Variants in BMERB1 observed in about 807,000 individuals in gnomAD.
The protein encoded by BMERB1 is bMERB domain containing 1.
BMERB1 carries 12 observed loss-of-function variants against 23.6 expected under a neutral mutation model. The ratio of observed to expected loss-of-function variants is 0.51; its 90% CI spans 0.33 to 0.82. The LOEUF (loss-of-function observed/expected upper bound fraction) is 0.82. Ranked by LOEUF, BMERB1 falls within the 40% of genes least tolerant of loss-of-function variation. The probability of loss-of-function intolerance (pLI) is 0.03; values close to 1 mark genes in which losing one functional copy is unlikely to be tolerated. For synonymous variants in BMERB1, 122 were observed against 96.6 expected (o/e 1.26, Z -1.54); for missense variants, 247 against 255.4 (o/e 0.97, Z 0.22).
rs535524809 is a variant in BMERB1, at chr16:15,552,881, A to G, written c.231-15102A>G. On this transcript the variant is annotated intron_variant, in intron 2 of 5. Coordinates refer to ENST00000300006, the MANE Select transcript of BMERB1 (RefSeq NM_033201.3). ...AGGTGAGAGCTCTTCTAGCTGCAGA[A>G]ATTTCTTTAGAGCCAGGCACAGTGG... 7.9e-5 allele frequency among the ~76,000 whole-genome samples: 12 copies of G among 152,202 alleles called. No individual in the cohort carries two copies. The East Asian group carries it at 2.3e-3, about 30-fold the overall frequency.
At chr16:15,463,412 A>T (rs946406388) in intron 1 of BMERB1, among the ~76,000 whole-genome samples, 2 of 152,118 alleles carry the variant, frequency 1.3e-5, no homozygotes, top group African/African-American at 4.8e-5. Flanking sequence ...GCTTGAAGGC[A>T]TCCTTTGAAC....
chr16:15,456,702 T>A (rs1224645301), intron 1 of BMERB1, among the ~76,000 whole-genome samples: 1 of 152,200 alleles, frequency 6.6e-6, no homozygotes, highest in Non-Finnish European at 1.5e-5. Flanking sequence ...TGTCTGGTTA[T>A]ACCTTATTTT....
intron 2 of BMERB1, among the ~76,000 whole-genome samples, chr16:15,542,682 A>G (rs554008586): frequency 1.4e-5 from 2 of 145,496 alleles, no homozygotes; most frequent in Non-Finnish European, 1.5e-5. Context: ...GATAAGATAC[A>G]TAAAAAAGAT....
At chr16:15,465,421 C>T (rs1181030541) in intron 1 of BMERB1, among the ~76,000 whole-genome samples, 2 of 149,534 alleles carry the variant, frequency 1.3e-5, no homozygotes, top group African/African-American at 2.5e-5. Context: ...GGTATGATCT[C>T]GGCTTACTGC....
Position 15,586,948 on chromosome 16 carries a change from G to T in BMERB1, c.*119G>T, listed in dbSNP as rs532947645. 1.4e-6 allele frequency: 1 copy of T among 700,896 alleles called. No homozygotes were observed. Among genetic ancestry groups the T allele is most frequent in the African/African-American group, 1.8e-5 (1 of 55,648 alleles). 43.4% of individuals were successfully genotyped at this position (700,896 alleles called of 1,614,324 possible). Reference sequence around the variant, plus strand: ...CAGAAGGGGTTGAAGGCAAGCCCGTGACTGTCACCAGAGGCCATGGGCACG... The same window carrying T: ...CAGAAGGGGTTGAAGGCAAGCCCGTTACTGTCACCAGAGGCCATGGGCACG... On this transcript the variant is annotated 3_prime_UTR_variant, in exon 6 of 6. Transcript: ENST00000300006.
At chr16:15,447,971 C>T (rs1372579222) in intron 1 of BMERB1, 1 of 452,784 alleles carries the variant, frequency 2.2e-6, no homozygotes, top group East Asian at 7.0e-5. Flanking sequence ...CTCACTTCAA[C>T]CTCCACCTCC....
At chr16:15,474,429 A>G (rs1174355332) in intron 1 of BMERB1, among the ~76,000 whole-genome samples, 3 of 152,052 alleles carry the variant, frequency 2.0e-5, no homozygotes, top group Non-Finnish European at 4.4e-5. Context: ...CAGTGGCACA[A>G]TCATAGCCCA....
At chr16:15,555,227 C>T (rs556431519) in intron 2 of BMERB1, among the ~76,000 whole-genome samples, 1 of 152,194 alleles carries the variant, frequency 6.6e-6, no homozygotes, top group East Asian at 1.9e-4. Context: ...AGGTACACAC[C>T]ACCAGGCATA....
chr16:15,479,974 C>CA (rs1555507467), intron 1 of BMERB1, among the ~76,000 whole-genome samples: 1 of 147,276 alleles, frequency 6.8e-6, no homozygotes, highest in Non-Finnish European at 1.5e-5. Context: ...TAAAATTTCT[C>CA]AGTTTCAATT....
chr16:15,487,577 GTT>G lies in BMERB1; in HGVS notation c.107-27726_107-27725del, dbSNP rs2051378977. ...AATCCATAGAGTAAAATGAAAGCAA[GTT>G]TATTTATTAAGTTTCTTAAGTTATT... On this transcript the variant is annotated intron_variant, in intron 1 of 5. Transcript: ENST00000300006. Among the ~76,000 whole-genome samples, 4 of 152,114 alleles carry G rather than the reference GTT, an allele frequency of 2.6e-5. No individual in the cohort carries two copies. In the South Asian group the frequency reaches 8.3e-4, roughly 32 times the overall value.
rs543966231 is a variant in BMERB1 at position 15,528,025 on chromosome 16, A to G, written c.230+12597A>G. Among the ~76,000 whole-genome samples, 34 of 152,296 alleles carry G rather than the reference A, an allele frequency of 2.2e-4. 1 individual carries two copies. The South Asian group carries it at 7.0e-3, about 32-fold the overall frequency. ...GTTCACATGCCCATCTCTGTCCTGCAGCCAGAGGGATTTTCTCACCATGTG... is the reference window on the plus strand; with the variant it reads ...GTTCACATGCCCATCTCTGTCCTGCGGCCAGAGGGATTTTCTCACCATGTG... On this transcript the variant is annotated intron_variant, in intron 2 of 5. Transcript: ENST00000300006.
chr16:15,459,185 A>C (rs1267349031), intron 1 of BMERB1, among the ~76,000 whole-genome samples: 2 of 152,160 alleles, frequency 1.3e-5, no homozygotes, highest in Non-Finnish European at 2.9e-5. Flanking sequence ...ATAACATGAA[A>C]GAAAGCTATT....
At chr16:15,438,999 T>A (rs533461660) in intron 1 of BMERB1, among the ~76,000 whole-genome samples, 2 of 152,362 alleles carry the variant, frequency 1.3e-5, no homozygotes, top group African/African-American at 4.8e-5. Context: ...ATGCTCTGTT[T>A]AACTTCCACA....
At chr16:15,541,422 TG>T (rs371339640) in intron 2 of BMERB1, among the ~76,000 whole-genome samples, 49 of 132,036 alleles carry the variant, frequency 3.7e-4, no homozygotes, top group African/African-American at 1.2e-3. Flanking sequence ...CCCGCCGAAT[TG>T]TTTTTTTTTT....
At chr16:15,532,909 C>T in intron 2 of BMERB1, 1 of 434,806 alleles carries the variant, frequency 2.3e-6, no homozygotes, top group Non-Finnish European at 4.6e-6. Context: ...GATAAATAGA[C>T]CTCGTGCCTG....
chr16:15,574,835 T>C (rs572813596), intron 3 of BMERB1, among the ~76,000 whole-genome samples: 1 of 152,212 alleles, frequency 6.6e-6, no homozygotes, highest in Non-Finnish European at 1.5e-5. Context: ...CCCAGCACCC[T>C]GGGAGGCCGA....
chr16:15,463,173 A>T (rs1379799993), intron 1 of BMERB1, among the ~76,000 whole-genome samples: 1 of 150,884 alleles, frequency 6.6e-6, no homozygotes, highest in Non-Finnish European at 1.5e-5. Flanking sequence ...TGAACTCTTC[A>T]TCTTAAGGGA....
chr16:15,461,553 A>G (rs1053019903), intron 1 of BMERB1, among the ~76,000 whole-genome samples: 1 of 152,110 alleles, frequency 6.6e-6, no homozygotes, highest in African/African-American at 2.4e-5. Context: ...CATAGAATTA[A>G]TCATACAAAT....
chr16:15,528,899 A>G (rs1443990473), intron 2 of BMERB1, among the ~76,000 whole-genome samples: 2 of 152,004 alleles, frequency 1.3e-5, no homozygotes, highest in African/African-American at 4.8e-5. Context: ...TCTCCCTTTC[A>G]CTGTGTGAGG....
Sources: gnomAD v4.1 joint callset for allele counts (sites outside exome capture counted in the v4.1 genomes callset) on GRCh38, gnomAD v4.1.1 for gene constraint, MANE v1.5 for transcripts, NCBI Gene and HGNC (gene_info 2026-07-23, HGNC 2026-07-21) for gene names.